HOXC4: variants seen among roughly 807,000 people sequenced by gnomAD.
HOXC4 encodes homeobox protein Hox-C4.
HOXC4 carries 15 observed loss-of-function variants against 25.5 expected under a neutral mutation model. The observed-to-expected ratio is 0.59, with a 90% confidence interval of 0.39 to 0.91. HOXC4 has a LOEUF of 0.91. HOXC4 is among the 40% of genes least tolerant of loss of function. The pLI is 0.00. For synonymous variants in HOXC4, 165 were observed against 148.0 expected (o/e 1.11, Z -0.83); for missense variants, 342 against 352.4 (o/e 0.97, Z 0.24).
Position 54,032,722 on chromosome 12 carries a change from G to C in HOXC4, c.-124+15308G>C, listed in dbSNP as rs141132090. ...ACCGGAAAGCAAGCTGGCGCTCCAG[G>C]ATGCAATTCCCCCACATAGGCACCA... On this transcript the variant is annotated intron_variant, in intron 1 of 3. Coordinates refer to the HOXC4 transcript ENST00000303406. 1,112 of 158,208 alleles carry C rather than the reference G, an allele frequency of 7.0e-3. 18 individuals carry two copies. The highest frequency in any genetic ancestry group is 0.026 in the African/African-American group (1,072 of 41,628). 9.8% of individuals were successfully genotyped at this position (158,208 alleles called of 1,614,324 possible). A position where few individuals can be genotyped will look rare whatever the true frequency, so the allele number is the denominator to read the frequency against.
chr12:54,029,713 C>T, intron 1 of HOXC4: 1 of 1,614,184 alleles, frequency 6.2e-7, no homozygotes, highest in Non-Finnish European at 8.5e-7. Context: ...GGTACCAGAC[C>T]CTGGAACTGG....
At chr12:54,033,708 A>T in intron 1 of HOXC4, 1 of 771,636 alleles carries the variant, frequency 1.3e-6, no homozygotes, top group Non-Finnish European at 2.0e-6. Context: ...AAAACTGTCC[A>T]CTAAAAGGCT....
chr12:54,033,278 TGC>T, intron 1 of HOXC4: 1 of 1,614,178 alleles, frequency 6.2e-7, no homozygotes. Flanking sequence ...TCCCACCGCC[TGC>T]GCCTTCCAAC....
intron 1 of HOXC4, among the ~76,000 whole-genome samples, chr12:54,047,158 C>T (rs1937731936): frequency 6.6e-6 from 1 of 152,246 alleles, no homozygotes; most frequent in Non-Finnish European, 1.5e-5. Flanking sequence ...GCGCTTCCTC[C>T]GGGCTTAATC....
At chr12:54,034,605 G>C in intron 1 of HOXC4, 1 of 839,606 alleles carries the variant, frequency 1.2e-6, no homozygotes, top group South Asian at 1.7e-5. Flanking sequence ...TGGAGCACTG[G>C]GCTCCCGGGC....
intron 1 of HOXC4, chr12:54,033,336 G>A (rs1245081272): frequency 6.2e-7 from 1 of 1,612,742 alleles, no homozygotes; most frequent in African/African-American, 1.3e-5. Context: ...GGCTCACCCC[G>A]ACCGCCCCGC....
In HOXC4 at chr12:54,055,285, AAT is replaced by A. The variant is rs60894549; in HGVS notation, c.*106_*107del. 0.23 allele frequency: 52,274 copies of A among 225,276 alleles called. 6,033 individuals carry two copies. Among genetic ancestry groups the A allele is most frequent in the African/African-American group, 0.52 (14,642 of 28,166 alleles). The allele number at this position is 225,276 out of a possible 1,614,324, so 14.0% of individuals were successfully genotyped here. ...AAATTGACTCTTATTTATAGAATTT[AAT>A]ATATATATATATATATATATATATA... On this transcript the variant is annotated 3_prime_UTR_variant, in exon 2 of 2. Transcript: ENST00000430889.
chr12:54,024,330 C>T (rs764946006), intron 1 of HOXC4, among the ~76,000 whole-genome samples: 5 of 152,146 alleles, frequency 3.3e-5, no homozygotes, highest in Non-Finnish European at 5.9e-5. Flanking sequence ...AGTCCTGAGG[C>T]TCCAGTGCTT....
chr12:54,033,021 T>C (rs1941045075), intron 1 of HOXC4: 1 of 889,242 alleles, frequency 1.1e-6, no homozygotes, highest in Non-Finnish European at 1.7e-6. Context: ...TCTCCACCTA[T>C]AAATTGTCCA....
At chr12:54,029,261 T>TG (rs1940874834) in intron 1 of HOXC4, among the ~76,000 whole-genome samples, 1 of 151,132 alleles carries the variant, frequency 6.6e-6, no homozygotes, top group African/African-American at 2.4e-5. Context: ...GGCAGATAAG[T>TG]GGGGAGAAGT....
intron 1 of HOXC4, chr12:54,028,543 C>A (rs1368012211): frequency 1.5e-5 from 25 of 1,613,948 alleles, no homozygotes; most frequent in Non-Finnish European, 1.9e-5. Flanking sequence ...CTTCACTAAC[C>A]CTTCCTTATC....
intron 1 of HOXC4, among the ~76,000 whole-genome samples, chr12:54,047,419 G>T (rs556864814): frequency 6.6e-6 from 1 of 152,388 alleles, no homozygotes; most frequent in East Asian, 1.9e-4. Context: ...TGTAGGGCGA[G>T]GCCGAAGCCC....
At chr12:54,030,012 C>A in intron 1 of HOXC4, 1 of 1,415,274 alleles carries the variant, frequency 7.1e-7, no homozygotes, top group Non-Finnish European at 9.4e-7. Context: ...CGCTCCCCAC[C>A]AACTCTCCCC....
chr12:54,036,541 C>A lies in HOXC4; in HGVS notation c.-123-16619C>A, dbSNP rs1396958406. Reference sequence around the variant, plus strand: ...GCCTTTCCTCACCCCATGCTTGGCACATAGGCAGTCTCAACAAATGCTTAT... The same window carrying A: ...GCCTTTCCTCACCCCATGCTTGGCAAATAGGCAGTCTCAACAAATGCTTAT... On this transcript the variant is annotated intron_variant, in intron 1 of 3. Transcript: ENST00000303406. 2.0e-5 allele frequency among the ~76,000 whole-genome samples: 3 copies of A among 152,294 alleles called. No homozygotes were observed. The South Asian group carries it at 6.2e-4, about 32-fold the overall frequency.
rs764263179 is a variant in HOXC4 at position 54,028,764 on chromosome 12, A to G, written c.-124+11350A>G. ...GATCTAATTCCTTTTACCAGGAGAA[A>G]GACATGCTCTCAAACTGCAGACAAA... On this transcript the variant is annotated intron_variant, in intron 1 of 3. Transcript: ENST00000303406. 13 of 1,614,022 alleles carry G rather than the reference A, an allele frequency of 8.1e-6. No homozygotes were observed. In the Admixed American group the frequency reaches 2.2e-4, roughly 27 times the overall value.
upstream of HOXC4, among the ~76,000 whole-genome samples, chr12:54,052,201 A>G (rs1937861444): frequency 6.6e-6 from 1 of 152,210 alleles, no homozygotes; most frequent in Non-Finnish European, 1.5e-5. Flanking sequence ...AGGAGGGAGC[A>G]GGCAGCCAGC....
At chr12:54,041,767 C>A (rs932222437) in intron 1 of HOXC4, among the ~76,000 whole-genome samples, 13 of 152,198 alleles carry the variant, frequency 8.5e-5, no homozygotes, top group African/African-American at 3.1e-4. Context: ...AACTCTGTCT[C>A]CTGGGTTCAA....
At chr12:54,028,958 C>T (rs1940857482) in intron 1 of HOXC4, 1 of 1,556,330 alleles carries the variant, frequency 6.4e-7, no homozygotes, top group South Asian at 1.2e-5. Context: ...ATTAAATAAA[C>T]TGAACTGGCT....
chr12:54,033,444 C>G (rs1159281431), intron 1 of HOXC4: 3 of 1,600,744 alleles, frequency 1.9e-6, no homozygotes, highest in Non-Finnish European at 2.6e-6. Flanking sequence ...TCGCCCGGCG[C>G]TGGAGGAGCG....
Sources: allele counts gnomAD v4.1 joint callset (sites outside exome capture counted in the v4.1 genomes callset), GRCh38; gene constraint gnomAD v4.1.1; transcripts MANE v1.5; gene names NCBI Gene and HGNC (gene_info 2026-07-23, HGNC 2026-07-21).